Variants in MRPL14 observed in about 807,000 individuals in gnomAD.
MRPL14 encodes large ribosomal subunit protein uL14m.
In MRPL14, 8 loss-of-function variants were observed where a neutral mutation model predicts 10.9. That is an observed-to-expected ratio of 0.74 (90% CI 0.43 to 1.33). The LOEUF (loss-of-function observed/expected upper bound fraction) is 1.33, where lower values mean the gene tolerates loss of function less well. Ranked by LOEUF, MRPL14 falls within the 40% of genes most tolerant of loss-of-function variation. The pLI, the probability that MRPL14 is intolerant of heterozygous loss-of-function variation, is 0.01. For missense variants in MRPL14, 179 were observed against 194.5 expected (o/e 0.92, Z 0.47); for synonymous variants, 82 against 74.1 (o/e 1.11, Z -0.54).
At chr6:44,123,247 G>A (rs572029272) in intron 1 of MRPL14, among the ~76,000 whole-genome samples, 2 of 152,284 alleles carry the variant, frequency 1.3e-5, no homozygotes, top group South Asian at 4.1e-4. Flanking sequence ...TGATTGACTC[G>A]TCCAAGGTTA....
intron 1 of MRPL14, among the ~76,000 whole-genome samples, chr6:44,117,419 C>T (rs1341773647): frequency 6.6e-6 from 1 of 152,210 alleles, no homozygotes; most frequent in African/African-American, 2.4e-5. Flanking sequence ...ACCTGAACAT[C>T]ACTTCAGAGC....
chr6:44,119,921 C>G (rs930909372), intron 1 of MRPL14, among the ~76,000 whole-genome samples: 15 of 152,164 alleles, frequency 9.9e-5, no homozygotes, highest in African/African-American at 3.6e-4. Context: ...CCCTGCCTCT[C>G]AACACCGCAC....
At position 44,114,171 on chromosome 6, in the gene MRPL14, C is replaced by T. The variant is rs752775868; in HGVS notation, c.110G>A (p.Arg37Gln). ...GSLSAIQKMT[R>Q]VRVVDNSALG... is the part of the protein sequence containing the mutation. ...GGCACTGTTGTCCACCACTCGTACCCGCGTCATCTTCTGAATCGCACTCAG... is the reference window on the plus strand; with the variant it reads ...GGCACTGTTGTCCACCACTCGTACCTGCGTCATCTTCTGAATCGCACTCAG... Residue 37 changes from arginine to glutamine, a missense_variant, in exon 3 of 3, where the codon CGG (arginine) becomes CAG (glutamine). By Grantham distance (43) the Arg-to-Gln change is conservative (BLOSUM62 1). Transcript: ENST00000372014. The T allele has an allele frequency of 2.0e-5, 33 of 1,612,982 alleles. No individual in the cohort carries two copies. The highest frequency in any genetic ancestry group is 1.7e-4 in the Middle Eastern group (1 of 6,030).
intron 1 of MRPL14, among the ~76,000 whole-genome samples, chr6:44,118,393 A>G (rs956732947): frequency 3.3e-5 from 5 of 152,210 alleles, no homozygotes; most frequent in Admixed American, 1.3e-4. Context: ...CATTTTAAAG[A>G]TTAGAAAATT....
rs142839127 is a variant in MRPL14, at chr6:44,118,960, G to A, written c.-18-2331C>T. 5.3e-5 allele frequency among the ~76,000 whole-genome samples: 8 copies of A among 151,848 alleles called. No individual in the cohort carries two copies. In the South Asian group the frequency reaches 6.3e-4, roughly 12 times the overall value. On this transcript the variant is annotated intron_variant, in intron 1 of 2. Transcript: ENST00000372014. ...GCCTGGGCAACAAGGGCAAAACTCC[G>A]TCTCAAAAATAAATAAATAAAATAA...
Position 44,113,799 on chromosome 6 carries a change from A to C in MRPL14, c.*44T>G. 6.6e-7 allele frequency: 1 copy of C among 1,522,156 alleles called. No individual in the cohort carries two copies. Among genetic ancestry groups the C allele is most frequent in the Non-Finnish European group, 8.8e-7 (1 of 1,134,210 alleles). 94.3% of individuals were successfully genotyped at this position (1,522,156 alleles called of 1,614,324 possible). A position where few individuals can be genotyped will look rare whatever the true frequency, so the allele number is the denominator to read the frequency against. ...CCTTAGCAAAAGGGTGGTTCTCAGA[A>C]CTGCTCCATTCACGAGTCCTGCAAC... On this transcript the variant is annotated 3_prime_UTR_variant, in exon 3 of 3. Transcript: ENST00000372014.
chr6:44,123,704 C>G (rs1413223835), intron 1 of MRPL14, among the ~76,000 whole-genome samples: 2 of 152,146 alleles, frequency 1.3e-5, no homozygotes, highest in Non-Finnish European at 2.9e-5. Flanking sequence ...TATGCCCCAC[C>G]TTGTTGCAAA....
chr6:44,120,443 C>T (rs1582721505), intron 1 of MRPL14, among the ~76,000 whole-genome samples: 1 of 152,334 alleles, frequency 6.6e-6, no homozygotes, highest in East Asian at 1.9e-4. Flanking sequence ...ATTACCTGTA[C>T]TGCCCTCAAA....
intron 1 of MRPL14, among the ~76,000 whole-genome samples, chr6:44,118,932 C>T (rs1343584974): frequency 6.6e-6 from 1 of 152,264 alleles, no homozygotes. Flanking sequence ...TCATTGCACT[C>T]CAGCCTGGGC....
chr6:44,116,426 C>G, intron 2 of MRPL14, 115 bp downstream of exon 2: 1 of 1,063,756 alleles, frequency 9.4e-7, no homozygotes, highest in East Asian at 2.4e-5. Flanking sequence ...TAGCTTTCCC[C>G]AACCCCATGC....
At chr6:44,124,638 G>A (rs1337011420) in intron 1 of MRPL14, among the ~76,000 whole-genome samples, 5 of 152,172 alleles carry the variant, frequency 3.3e-5, no homozygotes, top group African/African-American at 7.2e-5. Context: ...TTAACAGAGG[G>A]CTCTCCTACT....
chr6:44,113,658 AT>A lies in MRPL14; in HGVS notation c.*184del. 1.6e-6 allele frequency: 1 copy of A among 618,532 alleles called. No individual in the cohort carries two copies. Among genetic ancestry groups the A allele is most frequent in the East Asian group, 3.1e-5 (1 of 32,708 alleles). 38.3% of individuals were successfully genotyped at this position (618,532 alleles called of 1,614,324 possible). A position where few individuals can be genotyped will look rare whatever the true frequency, so the allele number is the denominator to read the frequency against. On this transcript the variant is annotated 3_prime_UTR_variant, in exon 3 of 3. Coordinates refer to ENST00000372014, the MANE Select transcript of MRPL14 (RefSeq NM_032111.4). ...CCTTTCAACTGCTTCAGTGTAATTT[AT>A]TTTCCCACATCCCAGAAAGCTCTGG... is the stretch of plus-strand genomic sequence containing the variant.
At chr6:44,114,951 T>C (rs116099194) in intron 2 of MRPL14, among the ~76,000 whole-genome samples, 4,354 of 152,286 alleles carry the variant, frequency 0.029, 92 homozygotes, top group African/African-American at 0.061. Flanking sequence ...CTAGAAGATA[T>C]GGGTAAGTTT....
chr6:44,113,523 C>T lies in MRPL14; in HGVS notation c.*320G>A. The T allele has an allele frequency of 4.4e-6, 1 of 226,136 alleles. No individual in the cohort carries two copies. The highest frequency in any genetic ancestry group is 9.6e-5 in the East Asian group (1 of 10,456). 14.0% of individuals were successfully genotyped at this position (226,136 alleles called of 1,614,324 possible). A position where few individuals can be genotyped will look rare whatever the true frequency, so the allele number is the denominator to read the frequency against. On this transcript the variant is annotated 3_prime_UTR_variant, in exon 3 of 3. Coordinates refer to ENST00000372014, the MANE Select transcript of MRPL14 (RefSeq NM_032111.4). Reference sequence around the variant, plus strand: ...CCTCAGTTTTCCAGGGCCTGACAGTCCTGGATGAACTTATAGGGTCCAAAC... The same window carrying T: ...CCTCAGTTTTCCAGGGCCTGACAGTTCTGGATGAACTTATAGGGTCCAAAC...
chr6:44,117,840 G>GGTT (rs1250385139), intron 1 of MRPL14, among the ~76,000 whole-genome samples: 102 of 75,366 alleles, frequency 1.4e-3, no homozygotes, highest in African/African-American at 5.0e-3. Flanking sequence ...AATTTTTTGT[G>GGTT]TTTTTTTTTT....
intron 1 of MRPL14, among the ~76,000 whole-genome samples, chr6:44,126,274 T>G (rs1192592863): frequency 1.3e-5 from 2 of 152,238 alleles, no homozygotes; most frequent in Non-Finnish European, 2.9e-5. Context: ...AACAATACCC[T>G]AAGTGCAACA....
At chr6:44,123,250 C>G (rs376974137) in intron 1 of MRPL14, among the ~76,000 whole-genome samples, 8 of 152,296 alleles carry the variant, frequency 5.3e-5, no homozygotes, top group Admixed American at 2.6e-4. Flanking sequence ...TTGACTCGTC[C>G]AAGGTTACAA....
chr6:44,118,585 CTCTT>C (rs1776091750), intron 1 of MRPL14, among the ~76,000 whole-genome samples: 1 of 152,194 alleles, frequency 6.6e-6, no homozygotes, highest in Non-Finnish European at 1.5e-5. Context: ...GTCATTTGGC[CTCTT>C]TCTGTTTCTT....
In MRPL14 at chr6:44,113,725, C is replaced by T. The variant is rs1341247487; in HGVS notation, c.*118G>A. 2 of 1,038,636 alleles carry T rather than the reference C, an allele frequency of 1.9e-6. No homozygotes were observed. The highest frequency in any genetic ancestry group is 1.4e-6 in the Non-Finnish European group (1 of 719,050). 64.3% of individuals were successfully genotyped at this position (1,038,636 alleles called of 1,614,324 possible). On this transcript the variant is annotated 3_prime_UTR_variant, in exon 3 of 3. Transcript: ENST00000372014. ...AATACATTTATTCTCTCACAGGATA[C>T]TACACTGTTACCCAGTGTGAAGGGA...
Sources: gnomAD v4.1 joint callset for allele counts (sites outside exome capture counted in the v4.1 genomes callset) on GRCh38, gnomAD v4.1.1 for gene constraint, MANE v1.5 for transcripts, NCBI Gene and HGNC (gene_info 2026-07-23, HGNC 2026-07-21) for gene names.